PITRM1: variants seen among roughly 807,000 people sequenced by gnomAD.
PITRM1 encodes pitrilysin metallopeptidase 1.
PITRM1 carries 100 observed loss-of-function variants against 129.9 expected under a neutral mutation model. That is an observed-to-expected ratio of 0.77 (90% confidence interval 0.65 to 0.91). PITRM1 has a LOEUF of 0.91. Among genes scored for constraint, PITRM1 ranks in the 40% least tolerant of loss-of-function variants. PITRM1 has a pLI of 0.00. For synonymous variants in PITRM1, 591 were observed against 508.8 expected (o/e 1.16, Z -2.17); for missense variants, 1,471 against 1,318.3 (o/e 1.12, Z -1.79).
chr10:3,143,311 G>A (rs1179719488), intron 23 of PITRM1, 78 bp downstream of exon 23: 22 of 884,884 alleles, frequency 2.5e-5, no homozygotes, highest in Non-Finnish European at 3.6e-5. Flanking sequence ...GCTAAAACAC[G>A]CCCTGTGAAC....
chr10:3,159,239 A>G (rs1842236493), intron 9 of PITRM1, among the ~76,000 whole-genome samples, 197 bp from the exon 10 acceptor site: 1 of 152,246 alleles, frequency 6.6e-6, no homozygotes, highest in Admixed American at 6.5e-5. Flanking sequence ...CCATCAAATT[A>G]ACTTCACTGC....
chr10:3,172,700 C>A lies in PITRM1; in HGVS notation c.56+17G>T. The A allele has an allele frequency of 6.5e-7, 1 of 1,534,798 alleles. No individual in the cohort carries two copies. Among genetic ancestry groups the A allele is most frequent in the Non-Finnish European group, 8.8e-7 (1 of 1,141,680 alleles). ...CGGGTACCAGCGCGCCGAGCGCCTC[C>A]CGTCGCAGCGTCTCACCCGCCGCTC... On this transcript the variant is annotated intron_variant, in intron 1 of 26. Transcript: ENST00000224949.
intron 7 of PITRM1, among the ~76,000 whole-genome samples, chr10:3,162,172 A>C (rs1354024833): frequency 5.3e-5 from 8 of 150,340 alleles, no homozygotes; most frequent in East Asian, 3.9e-4. Context: ...AAAAAAAAAA[A>C]AAAAAAACAA....
At position 3,145,630 on chromosome 10, in the gene PITRM1, T is replaced by C. The variant is rs376250180; in HGVS notation, c.2423A>G (p.Lys808Arg). The C allele has an allele frequency of 2.7e-4, 420 of 1,550,050 alleles. 3 individuals are homozygous for C. The South Asian group carries it at 4.0e-3, about 15-fold the overall frequency. Residue 808 changes from lysine to arginine, a missense_variant, in exon 21 of 27, where the codon AAG becomes AGG. By Grantham distance (26) the Lys-to-Arg change is conservative (BLOSUM62 2). Coordinates refer to ENST00000224949, the MANE Select transcript of PITRM1 (RefSeq NM_014889.4). ...GTGTGGGCGCACAGGCCTCCGTTCC[T>C]TTTTACTCCGACCGATGCTTCTAAG... ...DFLRSIGRSK[K>R]ERRPVRPHTV... is the part of the protein sequence containing the mutation.
intron 8 of PITRM1, 23 bp from the exon 9 acceptor site, chr10:3,159,959 G>C: frequency 6.6e-7 from 1 of 1,518,096 alleles, no homozygotes; most frequent in African/African-American, 1.4e-5. Context: ...GTGACGTTGT[G>C]AGTAGGCACA....
At chr10:3,140,205 A>C (rs577457936) in intron 24 of PITRM1, among the ~76,000 whole-genome samples, 2 of 152,344 alleles carry the variant, frequency 1.3e-5, no homozygotes, top group South Asian at 4.1e-4. Flanking sequence ...CTGTGAACAG[A>C]AGCTCTTGGA....
chr10:3,154,634 T>C (rs1355916433), intron 14 of PITRM1, among the ~76,000 whole-genome samples: 1 of 152,250 alleles, frequency 6.6e-6, no homozygotes, highest in East Asian at 1.9e-4. Flanking sequence ...AACTCTTAGA[T>C]GATATCTGTC....
intron 16 of PITRM1, chr10:3,148,861 A>G (rs1841208411): frequency 1.3e-5 from 2 of 152,524 alleles, no homozygotes; most frequent in Admixed American, 1.3e-4. Flanking sequence ...CTACAAAAGG[A>G]TGAACAGTGG....
Position 3,165,426 on chromosome 10 carries a change from C to A in PITRM1, c.520G>T (p.Glu174Ter), listed in dbSNP as rs772491649. The A allele has an allele frequency of 5.6e-6, 9 of 1,612,462 alleles. No individual in the cohort carries two copies. Among genetic ancestry groups the A allele is most frequent in the Non-Finnish European group, 7.6e-6 (9 of 1,179,204 alleles). ...LDATFFPCLR[E>*]LDFWQEGWRL... ...TTCATGACATACCAGAAATCCAGCT[C>A]GCGTAAACATGGGAAAAAGGTGGCA... is the stretch of plus-strand genomic sequence containing the variant. Residue 174 changes from glutamate to a stop codon, truncating the protein, a stop_gained, in exon 5 of 27, where the codon GAG becomes TAG. Transcript: ENST00000224949. LOFTEE classifies it high-confidence loss of function.
intron 14 of PITRM1, among the ~76,000 whole-genome samples, chr10:3,151,826 C>G (rs996252683): frequency 3.3e-5 from 5 of 152,192 alleles, no homozygotes; most frequent in Admixed American, 3.3e-4. Context: ...GCCTCTGCCT[C>G]CTGGGCTCAA....
At chr10:3,139,980 G>C (rs973827367) in intron 24 of PITRM1, among the ~76,000 whole-genome samples, 2 of 152,186 alleles carry the variant, frequency 1.3e-5, no homozygotes, top group Non-Finnish European at 2.9e-5. Context: ...AGCTAAGAAC[G>C]CTCTCAGGCT....
chr10:3,149,747 T>A lies in PITRM1; in HGVS notation c.1745A>T (p.Asp582Val), dbSNP rs769463330. 6.2e-7 allele frequency: 1 copy of A among 1,613,694 alleles called. No homozygotes were observed. The highest frequency in any genetic ancestry group is 8.5e-7 in the Non-Finnish European group (1 of 1,179,802). The change falls in exon 16 of 27, where the codon GAT becomes GTT. Residue 582 changes from aspartate to valine, a missense_variant. Asp to Val is a radical substitution (Grantham distance 152). Transcript: ENST00000224949. ...CTGGGCGCAGTACTGAACAGGGATA[T>A]CTCCAGCTAGAAAAACAAAAGGGAT... ...TELDVVLTAG[D>V]IPVQYCAQPT...
rs571817637 is a variant in PITRM1, at chr10:3,141,924, G to T, written c.2646-1112C>A. 4.2e-4 allele frequency among the ~76,000 whole-genome samples: 64 copies of T among 152,288 alleles called. No individual in the cohort carries two copies. Among genetic ancestry groups the T allele is most frequent in the Admixed American group, 7.2e-4 (11 of 15,298 alleles). On this transcript the variant is annotated intron_variant, in intron 23 of 26. Transcript: ENST00000224949. ...AGCGAGGCTGGAGTCAGACCCTGGG[G>T]GACGGAGTCTCCACCAGCACCGGCA...
At chr10:3,144,007 C>T (rs1428752508) in intron 22 of PITRM1, 1 of 556,172 alleles carries the variant, frequency 1.8e-6, no homozygotes, top group Non-Finnish European at 3.2e-6. Context: ...CGGGAGGAGA[C>T]CACCCAGAGC....
chr10:3,162,071 C>G (rs1191696573), intron 7 of PITRM1, among the ~76,000 whole-genome samples: 1 of 150,266 alleles, frequency 6.7e-6, no homozygotes, highest in African/African-American at 2.5e-5. Context: ...ACTCAGGAGG[C>G]TGAGGTGGCC....
At chr10:3,138,602 C>G (rs995865351) in intron 25 of PITRM1, 1 of 603,780 alleles carries the variant, frequency 1.7e-6, no homozygotes, top group African/African-American at 1.9e-5. Context: ...AAAAGCGGCT[C>G]CAGAGAGTAA....
At chr10:3,172,335 G>A in intron 1 of PITRM1, 1 of 497,390 alleles carries the variant, frequency 2.0e-6, no homozygotes, top group South Asian at 1.6e-5. Context: ...TGGGCTGTGG[G>A]CGCCTCGGGT....
chr10:3,138,379 A>G, intron 25 of PITRM1, 42 bp from the exon 26 acceptor site: 13 of 1,391,622 alleles, frequency 9.3e-6, no homozygotes, highest in Non-Finnish European at 1.3e-5. Flanking sequence ...GCTGCCCGGG[A>G]GCTCGCGTTG....
intron 25 of PITRM1, 66 bp from the exon 26 acceptor site, chr10:3,138,403 C>A: frequency 3.8e-6 from 4 of 1,061,118 alleles, no homozygotes; most frequent in East Asian, 2.4e-5. Context: ...GCTGTGCACT[C>A]ATGTCCCGGA....
Sources: allele counts gnomAD v4.1 joint callset (sites outside exome capture counted in the v4.1 genomes callset), GRCh38; gene constraint gnomAD v4.1.1; transcripts MANE v1.5; gene names NCBI Gene and HGNC (gene_info 2026-07-23, HGNC 2026-07-21).